The following DDX10 variants were observed in gnomAD, a reference collection of about 807,000 sequenced individuals.
DDX10 encodes probable ATP-dependent RNA helicase DDX10.
In DDX10, 74 loss-of-function variants were observed where a neutral mutation model predicts 104.3. The ratio of observed to expected loss-of-function variants is 0.71; its 90% confidence interval spans 0.59 to 0.86. The LOEUF (loss-of-function observed/expected upper bound fraction) is 0.86. Among genes scored for constraint, DDX10 ranks in the 40% least tolerant of loss-of-function variants. The probability of loss-of-function intolerance (pLI) is 0.00; values close to 1 mark genes in which losing one functional copy is unlikely to be tolerated. For synonymous variants in DDX10, 351 were observed against 353.4 expected (o/e 0.99, Z 0.08); for missense variants, 952 against 1,040.0 (o/e 0.92, Z 1.16).
intron 13 of DDX10, among the ~76,000 whole-genome samples, chr11:108,756,636 C>G (rs990376250): frequency 2.6e-5 from 4 of 152,016 alleles, no homozygotes; most frequent in African/African-American, 4.8e-5. Context: ...GCTGTTAAAG[C>G]TGAAAGTGTG....
intron 13 of DDX10, among the ~76,000 whole-genome samples, chr11:108,773,136 T>G (rs965338701): frequency 1.3e-5 from 2 of 152,222 alleles, no homozygotes; most frequent in African/African-American, 4.8e-5. Flanking sequence ...GCAGAGTTCC[T>G]TTTATTAATA....
intron 13 of DDX10, among the ~76,000 whole-genome samples, chr11:108,792,353 GT>G (rs2134549257): frequency 6.6e-6 from 1 of 152,250 alleles, no homozygotes; most frequent in East Asian, 1.9e-4. Context: ...GGTCACAAAG[GT>G]TTTTGTCCTT....
chr11:108,775,099 A>G (rs147342384), intron 13 of DDX10, among the ~76,000 whole-genome samples: 56 of 152,356 alleles, frequency 3.7e-4, no homozygotes, highest in African/African-American at 1.3e-3. Context: ...ACATTTGCTT[A>G]TTTAAATGGT....
chr11:108,818,018 T>A (rs1400463868), intron 13 of DDX10, among the ~76,000 whole-genome samples: 1 of 152,210 alleles, frequency 6.6e-6, no homozygotes, highest in South Asian at 2.1e-4. Flanking sequence ...CAGCAGTGTT[T>A]TAATACCTGT....
chr11:108,866,552 T>A (rs1271275556), intron 16 of DDX10, among the ~76,000 whole-genome samples: 1 of 152,192 alleles, frequency 6.6e-6, no homozygotes, highest in African/African-American at 2.4e-5. Context: ...GAATGGAACA[T>A]GGAGATATTA....
intron 13 of DDX10, among the ~76,000 whole-genome samples, chr11:108,726,867 C>T (rs948622850): frequency 3.3e-5 from 5 of 151,948 alleles, no homozygotes; most frequent in Admixed American, 3.3e-4. Flanking sequence ...CCATCTATTC[C>T]TAGCTGGCTT....
At position 108,720,365 on chromosome 11, in the gene DDX10, C is replaced by G. The variant is rs191895109; in HGVS notation, c.1499+480C>G. Reference sequence around the variant, plus strand: ...TATAGTTTTCTCGTTCTCTGAAACCCTTGCCTGGATTACCATAGACATTTT... The same window carrying G: ...TATAGTTTTCTCGTTCTCTGAAACCGTTGCCTGGATTACCATAGACATTTT... On this transcript the variant is annotated intron_variant, in intron 12 of 17. Transcript: ENST00000322536. 3.7e-4 allele frequency among the ~76,000 whole-genome samples: 57 copies of G among 152,258 alleles called. No individual in the cohort carries two copies. In the East Asian group the frequency reaches 0.01, roughly 28 times the overall value.
chr11:108,874,810 T>C lies in DDX10; in HGVS notation c.2304+22601T>C, dbSNP rs568949628. On this transcript the variant is annotated intron_variant, in intron 16 of 17. Transcript: ENST00000322536. ...CAGCCAGACTTGTTTTTTTTTAAACTGTCAATGCCAGAATAACGGGGTTTG... is the reference window on the plus strand; with the variant it reads ...CAGCCAGACTTGTTTTTTTTTAAACCGTCAATGCCAGAATAACGGGGTTTG... Among the ~76,000 whole-genome samples, 13 of 152,304 alleles carry C rather than the reference T, an allele frequency of 8.5e-5. No homozygotes were observed. In the East Asian group the frequency reaches 2.1e-3, roughly 25 times the overall value.
intron 13 of DDX10, among the ~76,000 whole-genome samples, chr11:108,760,573 A>G (rs562644002): frequency 6.6e-6 from 1 of 151,970 alleles, no homozygotes; most frequent in African/African-American, 2.4e-5. Flanking sequence ...TTGGTGAATA[A>G]TTTCCTTTAA....
chr11:108,693,903 A>G (rs974795818), intron 9 of DDX10, among the ~76,000 whole-genome samples: 3 of 152,238 alleles, frequency 2.0e-5, no homozygotes, highest in Non-Finnish European at 4.4e-5. Context: ...GGACTGCAGT[A>G]GTCCTCACTT....
At chr11:108,916,708 T>C (rs1423880408) in intron 16 of DDX10, among the ~76,000 whole-genome samples, 3 of 152,208 alleles carry the variant, frequency 2.0e-5, no homozygotes, top group Non-Finnish European at 4.4e-5. Context: ...TAATTTTCTG[T>C]TAAATGCATG....
At chr11:108,739,066 C>T (rs1038654078) in intron 13 of DDX10, among the ~76,000 whole-genome samples, 6 of 152,094 alleles carry the variant, frequency 3.9e-5, no homozygotes, top group African/African-American at 1.2e-4. Flanking sequence ...AACAACTCTG[C>T]CCCCCCAGGG....
intron 6 of DDX10, among the ~76,000 whole-genome samples, chr11:108,684,141 C>CTTTTTT: frequency 3.2e-5 from 1 of 31,308 alleles, no homozygotes; most frequent in Non-Finnish European, 5.9e-5. Context: ...ATTTCCAGTT[C>CTTTTTT]TTTTTTTTTT....
At chr11:108,675,871 CAT>C in intron 3 of DDX10, 145 bp downstream of exon 3, 1 of 1,019,600 alleles carries the variant, frequency 9.8e-7, no homozygotes, top group South Asian at 1.6e-5. Flanking sequence ...ACAGGAGCCA[CAT>C]GTGTGTCTTG....
intron 13 of DDX10, chr11:108,822,330 T>G (rs1365799015): frequency 1.7e-5 from 6 of 345,154 alleles, no homozygotes; most frequent in South Asian, 2.7e-5. Flanking sequence ...CAGTGGCCAG[T>G]TATTACTGAT....
intron 13 of DDX10, among the ~76,000 whole-genome samples, chr11:108,726,401 C>T (rs895036313): frequency 1.3e-5 from 2 of 152,066 alleles, no homozygotes; most frequent in African/African-American, 4.8e-5. Context: ...ACTTTAAGCA[C>T]ATGTAATGTG....
chr11:108,930,157 T>C (rs1338038527), intron 17 of DDX10, among the ~76,000 whole-genome samples: 2 of 152,234 alleles, frequency 1.3e-5, no homozygotes, highest in Non-Finnish European at 2.9e-5. Context: ...GCTCCACCTA[T>C]CTATCCTTCT....
At chr11:108,676,602 A>G (rs559301501) in intron 3 of DDX10, among the ~76,000 whole-genome samples, 7 of 152,232 alleles carry the variant, frequency 4.6e-5, no homozygotes, top group African/African-American at 1.4e-4. Flanking sequence ...GTGGGCTACC[A>G]CGCCAAGCTG....
chr11:108,668,488 C>G (rs2094212865), intron 1 of DDX10, among the ~76,000 whole-genome samples: 1 of 152,106 alleles, frequency 6.6e-6, no homozygotes, highest in African/African-American at 2.4e-5. Context: ...TCAAGGTTAG[C>G]AATACTAGGA....
Sources: allele counts gnomAD v4.1 joint callset (sites outside exome capture counted in the v4.1 genomes callset), GRCh38; gene constraint gnomAD v4.1.1; transcripts MANE v1.5; gene names NCBI Gene and HGNC (gene_info 2026-07-23, HGNC 2026-07-21).